The following STK16 variants were observed in gnomAD, a reference collection of about 807,000 sequenced individuals.
STK16 encodes serine/threonine kinase 16, also known as serine/threonine-protein kinase 16.
STK16 carries 28 observed loss-of-function variants against 37.8 expected under a neutral mutation model. That is an observed-to-expected ratio of 0.74 (90% CI 0.55 to 1.02). The LOEUF (loss-of-function observed/expected upper bound fraction) is 1.02, where lower values mean the gene tolerates loss of function less well. STK16 is among the 50% of genes least tolerant of loss of function. The pLI is 0.00. For synonymous variants in STK16, 134 were observed against 155.0 expected, an observed-to-expected ratio of 0.86 and a Z score of 1.01; for missense variants, 349 against 390.6, an observed-to-expected ratio of 0.89 and a Z score of 0.90.
rs1393186961 is a variant in STK16, at chr2:219,246,478, C to G, written c.87-179C>G. On this transcript the variant is annotated intron_variant, in intron 2 of 7. Coordinates refer to ENST00000396738, the MANE Select transcript of STK16 (RefSeq NM_001330213.2). This position sits in a 1 kb window ranked among gnomAD's most constrained non-coding sequence, Gnocchi z 4.5. ...TACGACCATAGGACCTCAAAGATTT[C>G]TATATCTCTGCTCCTGAGGAGCTCA... 4.5e-6 allele frequency: 3 copies of G among 666,080 alleles called. No homozygotes were observed. The African/African-American group carries it at 5.4e-5, about 12-fold the overall frequency. 41.3% of individuals were successfully genotyped at this position (666,080 alleles called of 1,614,324 possible). A position where few individuals can be genotyped will look rare whatever the true frequency, so the allele number is the denominator to read the frequency against.
At chr2:219,247,922 A>G (rs1426438931) in intron 6 of STK16, 165 bp downstream of exon 6, 1 of 829,886 alleles carries the variant, frequency 1.2e-6, no homozygotes, top group East Asian at 2.6e-5. Context: ...TACTGTACCC[A>G]GTTGTACCGG....
chr2:219,248,429 C>G lies in STK16; in HGVS notation c.788C>G (p.Ser263Ter). 1 of 1,613,830 alleles carries G rather than the reference C, an allele frequency of 6.2e-7. No homozygotes were observed. Among genetic ancestry groups the G allele is most frequent in the Non-Finnish European group, 8.5e-7 (1 of 1,179,810 alleles). ...LSIPQSPRHS[S>*]ALRQLLNSMM... is the part of the protein sequence containing the mutation. ...GGCTCCTCCCTCCACAGGCATTCTT[C>G]AGCATTGCGGCAGCTCCTGAACTCG... is the stretch of plus-strand genomic sequence containing the variant. Residue 263 changes from serine (S) to a stop codon, truncating the protein, a stop_gained, in exon 8 of 8, where the codon TCA becomes TGA. Transcript: ENST00000396738. LOFTEE classifies it high-confidence loss of function.
chr2:219,246,721 A>G lies in STK16; in HGVS notation c.151A>G (p.Ile51Val). ...HDGHFYALKRILCHEQQDREE... is the reference protein window; with the variant it reads ...HDGHFYALKRVLCHEQQDREE... ...TGGACACTTCTACGCCCTGAAGCGAATCCTGTGTCACGAGCAGCAGGACCG... is the reference window on the plus strand; with the variant it reads ...TGGACACTTCTACGCCCTGAAGCGAGTCCTGTGTCACGAGCAGCAGGACCG... Residue 51 changes from isoleucine (I) to valine (V), a missense_variant, in exon 3 of 8, where the codon ATC (isoleucine) becomes GTC (valine). Ile to Val is a conservative substitution (Grantham distance 29, BLOSUM62 3). Coordinates refer to ENST00000396738, the MANE Select transcript of STK16 (RefSeq NM_001330213.2). This position sits in a 1 kb window ranked among gnomAD's most constrained non-coding sequence, Gnocchi z 4.5. The G allele has an allele frequency of 6.2e-7, 1 of 1,614,242 alleles. No homozygotes were observed. Among genetic ancestry groups the G allele is most frequent in the Non-Finnish European group, 8.5e-7 (1 of 1,180,050 alleles).
intron 5 of STK16, 42 bp from the exon 6 acceptor site, chr2:219,247,620 T>G (rs1951565123): frequency 5.0e-6 from 8 of 1,613,906 alleles, no homozygotes; most frequent in Non-Finnish European, 6.8e-6. Context: ...CACATGACCA[T>G]GACCTGTGCC....
At chr2:219,247,309 G>A in intron 4 of STK16, 63 bp downstream of exon 4, 1 of 1,609,954 alleles carries the variant, frequency 6.2e-7, no homozygotes. Context: ...AGGAGACATG[G>A]GAGGTCTCTG....
chr2:219,248,043 GA>G, intron 6 of STK16, 149 bp from the exon 7 acceptor site: 1 of 1,243,864 alleles, frequency 8.0e-7, no homozygotes, highest in Non-Finnish European at 1.1e-6. Flanking sequence ...GCCTCCAGCT[GA>G]CTGGCAGTTT....
At position 219,248,463 on chromosome 2, in the gene STK16, C is replaced by CG; in HGVS notation, c.823dup (p.Val275GlyfsTer125). 6.2e-7 allele frequency: 1 copy of CG among 1,614,180 alleles called. No individual in the cohort carries two copies. The highest frequency in any genetic ancestry group is 8.5e-7 in the Non-Finnish European group (1 of 1,180,022). The stretch of plus-strand genomic sequence containing the variant: ...GGCAGCTCCTGAACTCGATGATGAC[C>CG]GTGGACCCGCATCAGCGTCCTCACA... On this transcript the variant is annotated frameshift_variant, in exon 8 of 8. Coordinates refer to ENST00000396738, the MANE Select transcript of STK16 (RefSeq NM_001330213.2). LOFTEE classifies it high-confidence loss of function.
rs377106870 is a variant in STK16 at position 219,246,818 on chromosome 2, A to G, written c.248A>G (p.Tyr83Cys). The change falls in exon 3 of 8, where the codon TAC becomes TGC. Residue 83 changes from tyrosine (Y) to cysteine (C), a missense_variant. Coordinates refer to ENST00000396738, the MANE Select transcript of STK16 (RefSeq NM_001330213.2). The surrounding 1 kb of genome is among the most constrained non-coding windows in gnomAD (Gnocchi z 4.5). ...NHPNILRLVA[Y>C]CLRERGAKHE... ...CCCAACATCCTTCGCCTCGTGGCTT[A>G]CTGTCTGAGGGAACGGGGTGCTAAG... is the stretch of plus-strand genomic sequence containing the variant. 19 of 1,614,044 alleles carry G rather than the reference A, an allele frequency of 1.2e-5. No individual in the cohort carries two copies. The highest frequency in any genetic ancestry group is 1.6e-5 in the Non-Finnish European group (19 of 1,180,020).
rs372257860 is a variant in STK16 at position 219,246,892 on chromosome 2, G to C, written c.306+16G>C. On this transcript the variant is annotated intron_variant, in intron 3 of 7. Transcript: ENST00000396738. The surrounding 1 kb of genome is among the most constrained non-coding windows in gnomAD (Gnocchi z 4.5). ...ATTCTTCAAGGTCAGAAAGACTCCT[G>C]GTTATGGAGGGGGTTGCAGCAGAGC... 3.5e-5 allele frequency: 56 copies of C among 1,597,198 alleles called. No individual in the cohort carries two copies. The African/African-American group carries it at 6.2e-4, about 18-fold the overall frequency.
Position 219,247,411 on chromosome 2 carries a change from A to G in STK16, c.441-4A>G, listed in dbSNP as rs1281820129. 1.2e-6 allele frequency: 2 copies of G among 1,614,020 alleles called. No individual in the cohort carries two copies. The highest frequency in any genetic ancestry group is 3.3e-5 in the Admixed American group (2 of 60,016). ...GCTCATAGGTCACTTCTACTTCTCT[A>G]CAGAGACTTGAAGCCCACCAATATA... On this transcript the variant is annotated splice_region_variant and splice_polypyrimidine_tract_variant and intron_variant, in intron 4 of 7. Transcript: ENST00000396738.
intron 6 of STK16, 64 bp downstream of exon 6, chr2:219,247,821 A>G: frequency 6.7e-7 from 1 of 1,491,826 alleles, no homozygotes; most frequent in Non-Finnish European, 9.1e-7. Context: ...ACCGTGGAGT[A>G]GAGTAGGTTG....
In STK16 at chr2:219,247,781, C is replaced by A. The variant is rs777769324; in HGVS notation, c.657+24C>A. 1.8e-5 allele frequency: 28 copies of A among 1,555,098 alleles called. No individual in the cohort carries two copies. In the East Asian group the frequency reaches 6.8e-4, roughly 38 times the overall value. The stretch of plus-strand genomic sequence containing the variant: ...GGGTGAGGAGCATGTGGGTGGGTAT[C>A]TGGGTAGGGAGGGCTGTGGCTCTGT... On this transcript the variant is annotated intron_variant, in intron 6 of 7. Coordinates refer to ENST00000396738, the MANE Select transcript of STK16 (RefSeq NM_001330213.2).
At position 219,248,503 on chromosome 2, in the gene STK16, A is replaced by G. The variant is rs1385565681; in HGVS notation, c.862A>G (p.Ser288Gly). Residue 288 changes from serine (S) to glycine (G), a missense_variant, in exon 8 of 8, where the codon AGT becomes GGT. Ser to Gly is a moderately conservative substitution (Grantham distance 56). Transcript: ENST00000396738. ...GCGTCCTCACATTCCTCTCCTCCTC[A>G]GTCAGCTGGAGGCGCTTCAGCCCCC... ...HQRPHIPLLLSQLEALQPPAP... is the reference protein window; with the variant it reads ...HQRPHIPLLLGQLEALQPPAP... 6 of 1,613,876 alleles carry G rather than the reference A, an allele frequency of 3.7e-6. No individual in the cohort carries two copies. Among genetic ancestry groups the G allele is most frequent in the Non-Finnish European group, 4.2e-6 (5 of 1,179,924 alleles).
Position 219,246,012 on chromosome 2 carries a change from CTG to C in STK16, c.19_20del (p.Val7LeufsTer9), listed in dbSNP as rs749923296. On this transcript the variant is annotated frameshift_variant, in exon 2 of 8. Coordinates refer to ENST00000396738, the MANE Select transcript of STK16 (RefSeq NM_001330213.2). LOFTEE classifies it high-confidence loss of function. This position sits in a 1 kb window ranked among gnomAD's most constrained non-coding sequence, Gnocchi z 4.5. MGHA[L>X]CVCSRGTVII... ...TGACTGAGACATTATGGGCCACGCGCTGTGTGTCTGCTCTCGGGGAACTGTCA... is the reference window on the plus strand; with the variant it reads ...TGACTGAGACATTATGGGCCACGCGCTGTGTCTGCTCTCGGGGAACTGTCA... 3.7e-6 allele frequency: 6 copies of C among 1,613,900 alleles called. No homozygotes were observed. The highest frequency in any genetic ancestry group is 5.1e-6 in the Non-Finnish European group (6 of 1,179,932).
rs1399496855 is a variant in STK16 at position 219,250,004 on chromosome 2, A to C, written c.*1445A>C. 1.4e-5 allele frequency: 3 copies of C among 222,046 alleles called. No individual in the cohort carries two copies. 13.8% of individuals were successfully genotyped at this position (222,046 alleles called of 1,614,324 possible). A position where few individuals can be genotyped will look rare whatever the true frequency, so the allele number is the denominator to read the frequency against. ...GGGTAGCAGTCTAACTTTCAAAGAC[A>C]GAAACCACTGGATTATACTCCTACT... On this transcript the variant is annotated 3_prime_UTR_variant, in exon 8 of 8. Coordinates refer to ENST00000396738, the MANE Select transcript of STK16 (RefSeq NM_001330213.2). The surrounding 1 kb of genome is among the most constrained non-coding windows in gnomAD (Gnocchi z 8.4).
At chr2:219,248,043 G>A (rs56019765) in intron 6 of STK16, 150 bp from the exon 7 acceptor site, 26,406 of 1,243,720 alleles carry the variant, frequency 0.021, 779 homozygotes, top group East Asian at 0.11. Context: ...GCCTCCAGCT[G>A]ACTGGCAGTT....
At chr2:219,247,846 A>G in intron 6 of STK16, 89 bp downstream of exon 6, 1 of 1,320,446 alleles carries the variant, frequency 7.6e-7, no homozygotes, top group Non-Finnish European at 1.1e-6. Context: ...TTTCTGTTGC[A>G]TGGGGCGCCA....
Position 219,246,286 on chromosome 2 carries a change from T to C in STK16, c.86+201T>C. The C allele has an allele frequency of 1.7e-6, 1 of 600,946 alleles. No individual in the cohort carries two copies. Among genetic ancestry groups the C allele is most frequent in the Non-Finnish European group, 3.0e-6 (1 of 334,944 alleles). 37.2% of individuals were successfully genotyped at this position (600,946 alleles called of 1,614,324 possible). A position where few individuals can be genotyped will look rare whatever the true frequency, so the allele number is the denominator to read the frequency against. On this transcript the variant is annotated intron_variant, in intron 2 of 7. Transcript: ENST00000396738. The surrounding 1 kb of genome is among the most constrained non-coding windows in gnomAD (Gnocchi z 4.5). ...CCTCGTGTGACCTTGATAAACCATG[T>C]TTTTTTCATCAGCTTAATGGAGATG... is the stretch of plus-strand genomic sequence containing the variant.
In STK16 at chr2:219,247,434, A is replaced by G. The variant is rs768764705; in HGVS notation, c.460A>G (p.Ile154Val). ...CTACAGAGACTTGAAGCCCACCAAT[A>G]TATTGCTTGGAGATGAGGGGCAGCC... ...YAHRDLKPTN[I>V]LLGDEGQPVL... The change falls in exon 5 of 8, where the codon ATA (isoleucine) becomes GTA (valine). Residue 154 changes from isoleucine (I) to valine (V), a missense_variant. Physicochemically the swap from Ile to Val is conservative, Grantham distance 29 (BLOSUM62 3). Transcript: ENST00000396738. 1.1e-5 allele frequency: 17 copies of G among 1,614,010 alleles called. No individual in the cohort carries two copies. The East Asian group carries it at 2.7e-4, about 25-fold the overall frequency.
Sources: allele counts gnomAD v4.1 joint callset, GRCh38; gene constraint gnomAD v4.1.1; non-coding constraint Gnocchi (gnomAD v3.1); transcripts MANE v1.5; gene names NCBI Gene and HGNC (gene_info 2026-07-23, HGNC 2026-07-21).